Variants in FGD2 observed in about 807,000 individuals in gnomAD.
FGD2 encodes the protein FYVE, RhoGEF and PH domain-containing protein 2.
A neutral mutation model predicts 75.9 loss-of-function variants in FGD2; 52 were observed. That is an observed-to-expected ratio of 0.69 (90% confidence interval 0.55 to 0.86). FGD2 has a LOEUF of 0.86. FGD2 is among the 40% of genes least tolerant of loss of function. The pLI is 0.00. For missense variants in FGD2, 790 were observed against 872.0 expected (o/e 0.91, Z 1.18); for synonymous variants, 347 against 348.6 (o/e 1.00, Z 0.05).
chr6:37,006,599 T>C (rs905029891), intron 1 of FGD2, among the ~76,000 whole-genome samples: 1 of 151,888 alleles, frequency 6.6e-6, no homozygotes. Flanking sequence ...CCTGGGAGCA[T>C]GTGTGTTTGT....
At chr6:37,020,888 ATG>A (rs58421270) in intron 11 of FGD2, 149 bp downstream of exon 11, 13,719 of 655,530 alleles carry the variant, frequency 0.021, 78 homozygotes, top group East Asian at 0.12. Flanking sequence ...GTATGTATGC[ATG>A]TGTGTGTGTG....
At position 37,022,227 on chromosome 6, in the gene FGD2, C is replaced by T. The variant is rs767396034; in HGVS notation, c.1327-12C>T. On this transcript the variant is annotated splice_polypyrimidine_tract_variant and intron_variant, in intron 12 of 15. Transcript: ENST00000274963. ...AAGGGCCCATTCCTGCCCAACTCCC[C>T]TTAACCCACAGCTGCAGTCTGAGGA... 1 of 1,599,172 alleles carries T rather than the reference C, an allele frequency of 6.3e-7. No homozygotes were observed. The highest frequency in any genetic ancestry group is 1.1e-5 in the South Asian group (1 of 89,632).
rs534502542 is a variant in FGD2, at chr6:37,015,735, G to A, written c.1030-33G>A. On this transcript the variant is annotated intron_variant, in intron 8 of 15. Transcript: ENST00000274963. The stretch of plus-strand genomic sequence containing the variant: ...CCACCTAGCCATCCTCCCTGCCCCT[G>A]CCACGGGCCACTCACGCCTGTGTCT... 6.7e-5 allele frequency: 104 copies of A among 1,554,780 alleles called. 1 individual carries two copies. The South Asian group carries it at 1.2e-3, about 18-fold the overall frequency.
At chr6:37,022,209 C>A (rs1318673255) in intron 12 of FGD2, 30 bp from the exon 13 acceptor site, 1 of 1,590,842 alleles carries the variant, frequency 6.3e-7, no homozygotes. Context: ...ACCAAGGGCC[C>A]ATTCCTGCCC....
intron 9 of FGD2, among the ~76,000 whole-genome samples, chr6:37,018,780 G>A (rs192146377): frequency 6.6e-6 from 1 of 152,342 alleles, no homozygotes; most frequent in Non-Finnish European, 1.5e-5. Context: ...GCAGTCAAAT[G>A]TCTTGTTCCA....
chr6:37,020,833 C>T, intron 11 of FGD2, 94 bp downstream of exon 11: 1 of 1,510,100 alleles, frequency 6.6e-7, no homozygotes. Flanking sequence ...GATGAAGCTC[C>T]TGGGATTCTC....
At position 37,011,070 on chromosome 6, in the gene FGD2, C is replaced by G. The variant is rs779801205; in HGVS notation, c.378+20C>G. On this transcript the variant is annotated intron_variant, in intron 3 of 15. Transcript: ENST00000274963. The stretch of plus-strand genomic sequence containing the variant: ...GACCAGGCCAGTGACCAGGACACCC[C>G]CCTCTAGAGCCCCAGCCCTGGGTCT... 3.1e-6 allele frequency: 5 copies of G among 1,612,036 alleles called. No homozygotes were observed. The highest frequency in any genetic ancestry group is 3.4e-6 in the Non-Finnish European group (4 of 1,178,320).
At chr6:37,017,037 A>G (rs1765333199) in intron 9 of FGD2, among the ~76,000 whole-genome samples, 3 of 151,848 alleles carry the variant, frequency 2.0e-5, no homozygotes, top group Non-Finnish European at 4.4e-5. Context: ...CCAATAACAT[A>G]TAATAGGATT....
At chr6:37,026,875 G>A (rs984989746) in intron 14 of FGD2, among the ~76,000 whole-genome samples, 2 of 152,084 alleles carry the variant, frequency 1.3e-5, no homozygotes, top group East Asian at 1.9e-4. Context: ...GGGCATGGTG[G>A]TGCATGCCTG....
chr6:37,012,354 T>C (rs915163121), intron 4 of FGD2, among the ~76,000 whole-genome samples: 20 of 152,240 alleles, frequency 1.3e-4, no homozygotes, highest in Admixed American at 1.1e-3. Context: ...AGAATGCTAG[T>C]AATTGTTAAA....
chr6:37,017,562 G>A (rs762132365), intron 9 of FGD2, among the ~76,000 whole-genome samples: 19 of 152,166 alleles, frequency 1.2e-4, no homozygotes, highest in Non-Finnish European at 2.2e-4. Context: ...TTCTGGCATC[G>A]TGGAGGACAC....
At chr6:37,015,689 C>T (rs192894280) in intron 8 of FGD2, 79 bp from the exon 9 acceptor site, 26 of 1,344,386 alleles carry the variant, frequency 1.9e-5, no homozygotes, top group South Asian at 1.8e-4. Flanking sequence ...AGCCCATGCT[C>T]GGCCCACCCT....
Position 37,008,897 on chromosome 6 carries a change from G to A in FGD2, c.132G>A (p.Arg44=). 3 of 1,614,114 alleles carry A rather than the reference G, an allele frequency of 1.9e-6. No individual in the cohort carries two copies. Among genetic ancestry groups the A allele is most frequent in the Non-Finnish European group, 2.5e-6 (3 of 1,180,000 alleles). ...ACGTGCATCACCGCCCTGAGTGCAG[G>A]CCTCCCGAGTCCCCAGGACCACGGG... The part of the protein sequence containing the change: ...LEDVHHRPEC[R]PPESPGPREK... Residue 44 remains arginine (R), a synonymous_variant, in exon 2 of 16, where the codon AGG becomes AGA. Transcript: ENST00000274963.
intron 1 of FGD2, among the ~76,000 whole-genome samples, chr6:37,007,277 G>A (rs781157497): frequency 2.6e-5 from 4 of 152,342 alleles, no homozygotes; most frequent in Non-Finnish European, 5.9e-5. Context: ...AGGCTTCAGG[G>A]TGGAGATGGC....
rs41272210 is a variant in FGD2 at position 37,015,750 on chromosome 6, C to T, written c.1030-18C>T. ...CCCTGCCCCTGCCACGGGCCACTCA[C>T]GCCTGTGTCTCCTGCAGTTCAACAA... On this transcript the variant is annotated intron_variant, in intron 8 of 15. Coordinates refer to ENST00000274963, the MANE Select transcript of FGD2 (RefSeq NM_173558.4). The T allele has an allele frequency of 0.025, 39,411 of 1,569,284 alleles. 646 individuals are homozygous for T. Among genetic ancestry groups the T allele is most frequent in the East Asian group, 0.049 (2,131 of 43,136 alleles).
At chr6:37,016,344 A>T (rs863823) in intron 9 of FGD2, among the ~76,000 whole-genome samples, 11,686 of 152,078 alleles carry the variant, frequency 0.077, 723 homozygotes, top group African/African-American at 0.17. Context: ...ATACTGTAGG[A>T]GCACAGAACA....
chr6:37,026,057 TC>T (rs1174168329), intron 14 of FGD2, 119 bp downstream of exon 14: 3 of 1,469,356 alleles, frequency 2.0e-6, no homozygotes, highest in Non-Finnish European at 2.7e-6. Flanking sequence ...GGTCACACCC[TC>T]CCCCCTCTCC....
At chr6:37,020,792 CT>C (rs1561938312) in intron 11 of FGD2, 53 bp downstream of exon 11, 2 of 1,548,440 alleles carry the variant, frequency 1.3e-6, no homozygotes, top group Non-Finnish European at 1.7e-6. Flanking sequence ...TTTCTTTTTT[CT>C]TTTTTTCTTT....
At chr6:37,010,874 C>T in intron 2 of FGD2, 99 bp from the exon 3 acceptor site, 2 of 1,199,260 alleles carry the variant, frequency 1.7e-6, no homozygotes, top group Admixed American at 1.7e-5. Flanking sequence ...AGGCATGCTT[C>T]ACTGCAGCAA....
Sources: allele counts gnomAD v4.1 joint callset (sites outside exome capture counted in the v4.1 genomes callset), GRCh38; gene constraint gnomAD v4.1.1; transcripts MANE v1.5; gene names NCBI Gene and HGNC (gene_info 2026-07-23, HGNC 2026-07-21).